Variants in SOX5 observed in about 807,000 individuals in gnomAD.
The protein encoded by SOX5 is SRY-box transcription factor 5, also known as transcription factor SOX-5.
SOX5 carries 9 observed loss-of-function variants against 92.0 expected under a neutral mutation model. That is an observed-to-expected ratio of 0.10 (90% confidence interval 0.06 to 0.17). The LOEUF (loss-of-function observed/expected upper bound fraction) is 0.17. Among genes scored for constraint, SOX5 ranks in the 10% least tolerant of loss-of-function variants. The probability of loss-of-function intolerance (pLI) is 1.00; values close to 1 mark genes in which losing one functional copy is unlikely to be tolerated. For missense variants in SOX5, 642 were observed against 944.5 expected, an observed-to-expected ratio of 0.68 and a Z score of 4.20; for synonymous variants, 344 against 336.3, an observed-to-expected ratio of 1.02 and a Z score of -0.25.
chr12:23,966,205 A>G (rs1435617492), intron 4 of SOX5, among the ~76,000 whole-genome samples: 1 of 12,608 alleles, frequency 7.9e-5, no homozygotes, highest in Non-Finnish European at 1.5e-4. Context: ...TCAATATCCA[A>G]AAAAAAAAAA....
chr12:24,176,977 G>GTTTTTTTTTTTTTTTTTTTT (rs11295163), intron 4 of SOX5, among the ~76,000 whole-genome samples: 1 of 135,100 alleles, frequency 7.4e-6, no homozygotes. Flanking sequence ...TTTGTTTTTT[G>GTTTTTTTTTTTTTTTTTTTT]TTTTTTTTTT....
intron 8 of SOX5, among the ~76,000 whole-genome samples, chr12:23,624,552 A>G (rs2077542486): frequency 1.3e-5 from 2 of 152,202 alleles, no homozygotes; most frequent in African/African-American, 4.8e-5. Context: ...CAGAACTGAA[A>G]GCAGTTATAA....
intron 1 of SOX5, among the ~76,000 whole-genome samples, chr12:24,441,749 C>A (rs765774106): frequency 6.6e-6 from 1 of 152,082 alleles, no homozygotes; most frequent in Non-Finnish European, 1.5e-5. Context: ...ACTGTATCAG[C>A]ATTTTATGCA....
At chr12:23,829,355 AATGCTATGT>A (rs2096279584) in intron 3 of SOX5, among the ~76,000 whole-genome samples, 2 of 152,096 alleles carry the variant, frequency 1.3e-5, no homozygotes, top group Non-Finnish European at 1.5e-5. Flanking sequence ...GTTTCAGAAA[AATGCTATGT>A]ATGCTGCCCA....
intron 3 of SOX5, among the ~76,000 whole-genome samples, chr12:24,218,489 G>A (rs1053778262): frequency 6.6e-6 from 1 of 152,166 alleles, no homozygotes; most frequent in Admixed American, 6.5e-5. Context: ...CACTGGAGGA[G>A]TAATGGAGAG....
chr12:24,379,876 C>T (rs74070025), intron 1 of SOX5, among the ~76,000 whole-genome samples: 27 of 139,714 alleles, frequency 1.9e-4, no homozygotes, highest in Non-Finnish European at 1.8e-4. Flanking sequence ...CCAGAAGATT[C>T]TTTTTTTTTT....
intron 2 of SOX5, among the ~76,000 whole-genome samples, chr12:24,312,114 A>G (rs1004595852): frequency 6.6e-5 from 10 of 152,228 alleles, no homozygotes; most frequent in African/African-American, 2.4e-4. Flanking sequence ...TTGAGACCAC[A>G]ACTATTTATT....
intron 1 of SOX5, among the ~76,000 whole-genome samples, chr12:23,903,540 G>A (rs986512254): frequency 6.6e-6 from 1 of 152,144 alleles, no homozygotes; most frequent in African/African-American, 2.4e-5. Context: ...CTATGATAGT[G>A]CTTCTGCACA....
chr12:24,279,952 G>A (rs558934247), intron 2 of SOX5, among the ~76,000 whole-genome samples: 1 of 152,168 alleles, frequency 6.6e-6, no homozygotes, highest in Admixed American at 6.5e-5. Flanking sequence ...ACACAGGCAG[G>A]GAGTTGAGAA....
At chr12:24,060,799 C>T (rs1939531886) in intron 4 of SOX5, among the ~76,000 whole-genome samples, 2 of 152,176 alleles carry the variant, frequency 1.3e-5, no homozygotes, top group Admixed American at 1.3e-4. Flanking sequence ...ATTGGAGCTG[C>T]TTGGGCAGAA....
At position 24,409,947 on chromosome 12, in the gene SOX5, TTTTTCGTCTGTAGCTTGGC is replaced by T. The variant is rs527652435; in HGVS notation, c.-250-41327_-250-41309del. The stretch of plus-strand genomic sequence containing the variant: ...ACTTTTATTCCAATCTGTAGCTTGG[TTTTTCGTCTGTAGCTTGGC>T]TTTTCGTCCTTTCAATAGGATCTTT... On this transcript the variant is annotated intron_variant, in intron 1 of 4. Coordinates refer to the SOX5 transcript ENST00000446891. Among the ~76,000 whole-genome samples, 686 of 152,198 alleles carry T rather than the reference TTTTTCGTCTGTAGCTTGGC, an allele frequency of 4.5e-3. 10 individuals carry two copies. The East Asian group carries it at 0.052, about 11-fold the overall frequency.
chr12:23,918,931 A>G (rs924958600), intron 1 of SOX5, among the ~76,000 whole-genome samples: 10 of 151,798 alleles, frequency 6.6e-5, no homozygotes, highest in South Asian at 2.1e-4. Flanking sequence ...AAAAGAAAAA[A>G]AAAGAAAGAA....
rs142509596 is a variant in SOX5, at chr12:24,034,866, C to T, written c.-1-138842G>A. On this transcript the variant is annotated intron_variant, in intron 4 of 4. Coordinates refer to the SOX5 transcript ENST00000446891. ...GTATACAATTAGGCTGTCTTGAAAC[C>T]GTACATTTTTGTTTACTCTAGGCCT... Among the ~76,000 whole-genome samples the T allele has an allele frequency of 2.6e-3, 389 of 152,128 alleles. 1 individual carries two copies. The highest frequency in any genetic ancestry group is 8.7e-3 in the African/African-American group (362 of 41,514).
chr12:24,142,297 A>G (rs1383089441), intron 4 of SOX5, among the ~76,000 whole-genome samples: 2 of 152,158 alleles, frequency 1.3e-5, no homozygotes, highest in African/African-American at 4.8e-5. Flanking sequence ...AATTGGAGAT[A>G]AGTGTAACAA....
At chr12:24,489,601 A>G (rs1273578459) in intron 1 of SOX5, among the ~76,000 whole-genome samples, 1 of 150,350 alleles carries the variant, frequency 6.7e-6, no homozygotes, top group Non-Finnish European at 1.5e-5. Context: ...AAAAATCTTC[A>G]TGCTTCCAAA....
intron 1 of SOX5, among the ~76,000 whole-genome samples, chr12:23,910,979 T>TAGTA (rs755241153): frequency 6.6e-6 from 1 of 152,184 alleles, no homozygotes; most frequent in Non-Finnish European, 1.5e-5. Context: ...TTGCTTCATG[T>TAGTA]AGTAGCCCAC....
intron 1 of SOX5, among the ~76,000 whole-genome samples, chr12:23,947,021 A>G (rs1214084197): frequency 6.6e-6 from 1 of 151,952 alleles, no homozygotes; most frequent in Non-Finnish European, 1.5e-5. Flanking sequence ...ATACAAATCT[A>G]AATCCAAATT....
chr12:23,776,786 A>G (rs1213369709), intron 3 of SOX5, among the ~76,000 whole-genome samples: 2 of 151,974 alleles, frequency 1.3e-5, no homozygotes, highest in African/African-American at 4.8e-5. Flanking sequence ...GCTGCTGATG[A>G]TCTGACAGAA....
At chr12:24,337,863 G>T (rs530447032) in intron 2 of SOX5, among the ~76,000 whole-genome samples, 5 of 152,318 alleles carry the variant, frequency 3.3e-5, no homozygotes, top group Admixed American at 3.3e-4. Context: ...AAAACTGTAT[G>T]TGGAATGATC....
Sources: allele counts gnomAD v4.1 joint callset (sites outside exome capture counted in the v4.1 genomes callset), GRCh38; gene constraint gnomAD v4.1.1; transcripts MANE v1.5; gene names NCBI Gene and HGNC (gene_info 2026-07-23, HGNC 2026-07-21).